Variants in PSD3 observed in about 807,000 individuals in gnomAD.
PSD3 encodes pleckstrin and Sec7 domain containing 3.
Under a neutral mutation model 105.5 loss-of-function variants are expected in PSD3, and 49 were observed. The observed-to-expected ratio is 0.46, with a 90% CI of 0.37 to 0.59. The LOEUF (loss-of-function observed/expected upper bound fraction) is 0.59, where lower values mean the gene tolerates loss of function less well. Among genes scored for constraint, PSD3 ranks in the 20% least tolerant of loss-of-function variants. The pLI is 0.00. For missense variants in PSD3, 1,561 were observed against 1,263.8 expected (o/e 1.24, Z -3.57); for synonymous variants, 557 against 457.8 (o/e 1.22, Z -2.77).
At chr8:18,639,232 C>T (rs1807474604) in intron 10 of PSD3, among the ~76,000 whole-genome samples, 1 of 151,796 alleles carries the variant, frequency 6.6e-6, no homozygotes, top group African/African-American at 2.4e-5. Context: ...AATAACATTG[C>T]TTTGAAGTTT....
At chr8:18,608,921 C>T (rs1448493049) in intron 11 of PSD3, among the ~76,000 whole-genome samples, 1 of 152,262 alleles carries the variant, frequency 6.6e-6, no homozygotes, top group South Asian at 2.1e-4. Flanking sequence ...AATGGCAGAG[C>T]ATTTGTTCCT....
At chr8:18,789,221 T>C (rs540311795) in intron 8 of PSD3, among the ~76,000 whole-genome samples, 13 of 152,284 alleles carry the variant, frequency 8.5e-5, no homozygotes, top group Non-Finnish European at 1.2e-4. Context: ...CCTATTTTTA[T>C]AGTAACACTA....
intron 4 of PSD3, among the ~76,000 whole-genome samples, chr8:18,827,632 G>A (rs1225861612): frequency 6.6e-6 from 1 of 152,304 alleles, no homozygotes; most frequent in African/African-American, 2.4e-5. Flanking sequence ...TGTTTTTTAA[G>A]AGGGTGAGAC....
rs77070277 is a variant in PSD3, at chr8:18,811,129, A to G, written c.1635-6231T>C. Among the ~76,000 whole-genome samples the G allele has an allele frequency of 3.0e-3, 461 of 152,298 alleles. 7 individuals are homozygous for G. The highest frequency in any genetic ancestry group is 0.01 in the African/African-American group (426 of 41,562). ...GTACCATAAACCTAATAGGTTAACA[A>G]TGGTTAGGCATTTACTATGTGCCAG... is the stretch of plus-strand genomic sequence containing the variant. On this transcript the variant is annotated intron_variant, in intron 4 of 15. Transcript: ENST00000327040.
At position 18,965,401 on chromosome 8, in the gene PSD3, G is replaced by A. The variant is rs1254881735; in HGVS notation, c.22-29259C>T. Among the ~76,000 whole-genome samples the A allele has an allele frequency of 3.3e-5, 5 of 152,152 alleles. No individual in the cohort carries two copies. In the East Asian group the frequency reaches 9.6e-4, roughly 29 times the overall value. ...CTTGAGGAACCAGCGTCCCCTCTATGGAGCCATTCACAGGCTGTGCTGGTA... is the reference window on the plus strand; with the variant it reads ...CTTGAGGAACCAGCGTCCCCTCTATAGAGCCATTCACAGGCTGTGCTGGTA... On this transcript the variant is annotated intron_variant, in intron 1 of 15. Transcript: ENST00000327040.
intron 15 of PSD3, among the ~76,000 whole-genome samples, chr8:18,540,707 C>T (rs768873515): frequency 6.6e-6 from 1 of 152,154 alleles, no homozygotes; most frequent in Non-Finnish European, 1.5e-5. Context: ...CCTCCACGTG[C>T]ACTCCTTTCA....
At chr8:18,537,682 C>CT (rs34193973) in intron 15 of PSD3, among the ~76,000 whole-genome samples, 32 of 148,218 alleles carry the variant, frequency 2.2e-4, no homozygotes, top group Non-Finnish European at 3.3e-4. Flanking sequence ...GCCTCTCATT[C>CT]TTTTTTTTTT....
At chr8:19,074,950 C>T (rs544976123) in intron 1 of PSD3, among the ~76,000 whole-genome samples, 1 of 132,986 alleles carries the variant, frequency 7.5e-6, no homozygotes, top group African/African-American at 2.6e-5. Flanking sequence ...AAATTAATTA[C>T]TATTTTTTTT....
intron 4 of PSD3, among the ~76,000 whole-genome samples, chr8:18,861,217 C>T (rs996838208): frequency 2.0e-5 from 3 of 152,126 alleles, no homozygotes; most frequent in Non-Finnish European, 4.4e-5. Flanking sequence ...CCCTGACAAT[C>T]GACCCACTGC....
intron 1 of PSD3, among the ~76,000 whole-genome samples, chr8:18,978,642 C>T (rs961502346): frequency 1.3e-5 from 2 of 152,086 alleles, no homozygotes; most frequent in Admixed American, 6.6e-5. Context: ...GAGGAGGAGC[C>T]AGTGGCAGGT....
At chr8:19,084,203 T>C (rs1375014457) in intron 1 of PSD3, 1 of 448,818 alleles carries the variant, frequency 2.2e-6, no homozygotes, top group African/African-American at 2.0e-5. Flanking sequence ...TGCGAGTTCT[T>C]ACCTTGAGAG....
intron 2 of PSD3, among the ~76,000 whole-genome samples, chr8:18,890,878 T>G (rs73666746): frequency 0.03 from 4,552 of 152,220 alleles, 216 homozygotes; most frequent in African/African-American, 0.1. Flanking sequence ...AATGAACATT[T>G]TGAGATTCCT....
At chr8:18,557,729 T>C (rs1379483927) in intron 14 of PSD3, among the ~76,000 whole-genome samples, 1 of 152,192 alleles carries the variant, frequency 6.6e-6, no homozygotes, top group Non-Finnish European at 1.5e-5. Context: ...TATTTTGAGA[T>C]TTTAGAAAGG....
intron 15 of PSD3, among the ~76,000 whole-genome samples, chr8:18,537,862 A>G (rs1209286999): frequency 6.6e-6 from 1 of 152,168 alleles, no homozygotes; most frequent in Non-Finnish European, 1.5e-5. Context: ...TTTTTAGTAG[A>G]GATGGGGTTT....
intron 1 of PSD3, among the ~76,000 whole-genome samples, chr8:19,042,306 C>T (rs1437331369): frequency 6.6e-6 from 1 of 152,134 alleles, no homozygotes; most frequent in Non-Finnish European, 1.5e-5. Context: ...AATTGTTTCC[C>T]TTCCAGAGGC....
At chr8:18,904,597 G>C (rs139590668) in intron 2 of PSD3, among the ~76,000 whole-genome samples, 7,149 of 152,242 alleles carry the variant, frequency 0.047, 207 homozygotes, top group South Asian at 0.082. Flanking sequence ...CCCAATACCT[G>C]TACTACCATT....
chr8:18,747,340 G>C (rs1315808071), intron 9 of PSD3, among the ~76,000 whole-genome samples: 1 of 152,118 alleles, frequency 6.6e-6, no homozygotes, highest in Non-Finnish European at 1.5e-5. Flanking sequence ...AATTACCTAA[G>C]AGAGTTTCTA....
intron 10 of PSD3, among the ~76,000 whole-genome samples, chr8:18,638,935 G>A (rs913579339): frequency 6.6e-6 from 1 of 152,156 alleles, no homozygotes; most frequent in African/African-American, 2.4e-5. Context: ...TCTGGAAAAG[G>A]TTTCAAGAAT....
At chr8:18,735,043 C>G (rs2129432569) in intron 9 of PSD3, among the ~76,000 whole-genome samples, 1 of 152,274 alleles carries the variant, frequency 6.6e-6, no homozygotes, top group Middle Eastern at 3.4e-3. Flanking sequence ...ACGCCGAGGA[C>G]CACTCATGCC....
Sources: gnomAD v4.1 joint callset for allele counts (sites outside exome capture counted in the v4.1 genomes callset) on GRCh38, gnomAD v4.1.1 for gene constraint, MANE v1.5 for transcripts, NCBI Gene and HGNC (gene_info 2026-07-23, HGNC 2026-07-21) for gene names.